Variants in EXOC4 observed in about 807,000 individuals in gnomAD.
EXOC4 encodes the protein SEC8-like 1.
EXOC4 carries 71 observed loss-of-function variants against 107.2 expected under a neutral mutation model. That is an observed-to-expected ratio of 0.66 (90% CI 0.55 to 0.81). The LOEUF is 0.81. EXOC4 is among the 30% of genes least tolerant of loss of function. The pLI is 0.00. For missense variants in EXOC4, 1,108 were observed against 1,189.6 expected (o/e 0.93, Z 1.01); for synonymous variants, 456 against 441.2 (o/e 1.03, Z -0.42).
At chr7:133,951,163 C>T (rs945873114) in intron 14 of EXOC4, among the ~76,000 whole-genome samples, 1 of 152,210 alleles carries the variant, frequency 6.6e-6, no homozygotes, top group African/African-American at 2.4e-5. Flanking sequence ...AATGCTGTGC[C>T]TGGACTTTCT....
chr7:133,875,420 T>A (rs183961026), intron 11 of EXOC4, among the ~76,000 whole-genome samples: 1 of 152,228 alleles, frequency 6.6e-6, no homozygotes, highest in Non-Finnish European at 1.5e-5. Flanking sequence ...CCTTCTGGTC[T>A]ATCCTTTTGT....
At chr7:133,729,682 T>G (rs1795285790) in intron 10 of EXOC4, among the ~76,000 whole-genome samples, 1 of 152,150 alleles carries the variant, frequency 6.6e-6, no homozygotes, top group Non-Finnish European at 1.5e-5. Flanking sequence ...TCAAGCTTTC[T>G]TGTTATTTTA....
chr7:133,343,904 C>G (rs1380735949), intron 5 of EXOC4, among the ~76,000 whole-genome samples: 1 of 151,888 alleles, frequency 6.6e-6, no homozygotes, highest in African/African-American at 2.4e-5. Flanking sequence ...GCCTTGAACC[C>G]TAGGCTCAAA....
chr7:134,020,058 G>GT (rs1794994529), intron 17 of EXOC4, among the ~76,000 whole-genome samples: 1 of 152,160 alleles, frequency 6.6e-6, no homozygotes, highest in South Asian at 2.1e-4. Context: ...CACTCTCTCA[G>GT]AATCTCACCA....
At chr7:134,033,152 G>A (rs374326035) in intron 17 of EXOC4, among the ~76,000 whole-genome samples, 2 of 152,098 alleles carry the variant, frequency 1.3e-5, no homozygotes, top group Non-Finnish European at 2.9e-5. Flanking sequence ...CGAGGACCTT[G>A]GAGAAGTTCC....
At chr7:133,484,703 A>AT (rs1799233977) in intron 9 of EXOC4, among the ~76,000 whole-genome samples, 2 of 152,334 alleles carry the variant, frequency 1.3e-5, no homozygotes, top group South Asian at 2.1e-4. Flanking sequence ...TAACTTAAAT[A>AT]TTAAATTATT....
intron 10 of EXOC4, among the ~76,000 whole-genome samples, chr7:133,705,475 CAAAT>C (rs1275683396): frequency 1.3e-5 from 2 of 152,142 alleles, no homozygotes; most frequent in Non-Finnish European, 2.9e-5. Flanking sequence ...AGTTACTAAA[CAAAT>C]AAAAATATAG....
chr7:133,536,347 C>T (rs904066802), intron 9 of EXOC4, among the ~76,000 whole-genome samples: 3 of 152,086 alleles, frequency 2.0e-5, no homozygotes, highest in African/African-American at 7.2e-5. Flanking sequence ...TTTTCTTCTT[C>T]TCTCTCTGTT....
intron 5 of EXOC4, among the ~76,000 whole-genome samples, chr7:133,345,631 T>G (rs1795767579): frequency 6.6e-6 from 1 of 152,148 alleles, no homozygotes; most frequent in Admixed American, 6.5e-5. Flanking sequence ...TCAATTTTGT[T>G]TATTTATTTA....
intron 14 of EXOC4, among the ~76,000 whole-genome samples, chr7:133,963,017 C>T (rs999328765): frequency 1.3e-5 from 2 of 152,344 alleles, no homozygotes; most frequent in Middle Eastern, 3.4e-3. Flanking sequence ...ACATGCTGCA[C>T]ATGTAGGAAG....
intron 7 of EXOC4, among the ~76,000 whole-genome samples, chr7:133,376,822 G>A (rs796468677): frequency 5.3e-5 from 8 of 152,212 alleles, no homozygotes; most frequent in Non-Finnish European, 7.4e-5. Flanking sequence ...TAGAAGACAG[G>A]CTACTATAGA....
chr7:133,655,665 A>T (rs1025972838), intron 10 of EXOC4, among the ~76,000 whole-genome samples: 5 of 152,156 alleles, frequency 3.3e-5, no homozygotes, highest in Non-Finnish European at 7.3e-5. Flanking sequence ...TTCCACCTCC[A>T]CATCTTGTCC....
At chr7:133,261,555 T>C (rs1795153589) in intron 1 of EXOC4, among the ~76,000 whole-genome samples, 1 of 152,202 alleles carries the variant, frequency 6.6e-6, no homozygotes, top group Admixed American at 6.5e-5. Context: ...AGTTTTTGAG[T>C]TGATGCTAGA....
rs553472757 is a variant in EXOC4, at chr7:133,923,372, G to A, written c.2027+5634G>A. Among the ~76,000 whole-genome samples, 11 of 151,978 alleles carry A rather than the reference G, an allele frequency of 7.2e-5. 1 individual carries two copies. The South Asian group carries it at 1.5e-3, about 20-fold the overall frequency. On this transcript the variant is annotated intron_variant, in intron 13 of 17. Coordinates refer to ENST00000253861, the MANE Select transcript of EXOC4 (RefSeq NM_021807.4). ...TCGAACCTTGTGATCCGCCCACCTCGGCCTCCCTTATAGTGTTGTATGAGA... is the reference window on the plus strand; with the variant it reads ...TCGAACCTTGTGATCCGCCCACCTCAGCCTCCCTTATAGTGTTGTATGAGA...
chr7:133,605,201 A>G (rs1182840110), intron 9 of EXOC4, among the ~76,000 whole-genome samples: 2 of 152,238 alleles, frequency 1.3e-5, no homozygotes, highest in East Asian at 3.8e-4. Context: ...CTTAGTACAC[A>G]CTATTGTCAG....
chr7:133,598,829 A>G (rs574358557), intron 9 of EXOC4, among the ~76,000 whole-genome samples: 3 of 152,092 alleles, frequency 2.0e-5, no homozygotes, highest in East Asian at 1.9e-4. Flanking sequence ...TAAAAAATAC[A>G]AAAAATTAGC....
intron 10 of EXOC4, among the ~76,000 whole-genome samples, chr7:133,812,755 T>G (rs1797265606): frequency 6.6e-6 from 1 of 152,180 alleles, no homozygotes; most frequent in South Asian, 2.1e-4. Context: ...TGAGAACACA[T>G]AAACTCTGCT....
intron 14 of EXOC4, among the ~76,000 whole-genome samples, chr7:133,943,305 T>C (rs1195368075): frequency 1.3e-5 from 2 of 152,212 alleles, no homozygotes; most frequent in Non-Finnish European, 1.5e-5. Context: ...CAGCCTCAGA[T>C]CACATGTACC....
intron 12 of EXOC4, among the ~76,000 whole-genome samples, chr7:133,909,001 C>T (rs570139966): frequency 2.6e-5 from 4 of 152,212 alleles, no homozygotes; most frequent in Non-Finnish European, 2.9e-5. Context: ...CCCTAACTCC[C>T]GACAGGCCCC....
Sources: gnomAD v4.1 joint callset for allele counts (sites outside exome capture counted in the v4.1 genomes callset) on GRCh38, gnomAD v4.1.1 for gene constraint, MANE v1.5 for transcripts, NCBI Gene and HGNC (gene_info 2026-07-23, HGNC 2026-07-21) for gene names.